Variants in PIK3R6 observed in about 807,000 individuals in gnomAD.
PIK3R6 encodes phosphoinositide 3-kinase regulatory subunit 6.
PIK3R6 carries 91 observed loss-of-function variants against 84.9 expected under a neutral mutation model. The observed-to-expected ratio is 1.07, with a 90% confidence interval of 0.90 to 1.28. PIK3R6 has a LOEUF of 1.28. Ranked by LOEUF, PIK3R6 falls within the 50% of genes most tolerant of loss-of-function variation. The pLI, the probability that PIK3R6 is intolerant of heterozygous loss-of-function variation, is 0.00. For missense variants in PIK3R6, 996 were observed against 985.1 expected (o/e 1.01, Z -0.15); for synonymous variants, 416 against 411.4 (o/e 1.01, Z -0.13).
rs76830309 is a variant in PIK3R6, at chr17:8,808,390, C to T, written c.1996-4237G>A. Among the ~76,000 whole-genome samples the T allele has an allele frequency of 2.4e-3, 364 of 151,966 alleles. 2 individuals carry two copies. The highest frequency in any genetic ancestry group is 8.5e-3 in the African/African-American group (351 of 41,520). On this transcript the variant is annotated intron_variant, in intron 18 of 19. Coordinates refer to ENST00000619866, the MANE Select transcript of PIK3R6 (RefSeq NM_001010855.4). ...CTTTAGCATCCATGGATTTTTGTAT[C>T]CTTGGGGGTCCCGGAAATAATCCCC... is the stretch of plus-strand genomic sequence containing the variant.
chr17:8,817,437 T>A (rs2151196034), intron 18 of PIK3R6, among the ~76,000 whole-genome samples: 1 of 151,568 alleles, frequency 6.6e-6, no homozygotes, highest in Middle Eastern at 3.4e-3. Flanking sequence ...AGGTCAGGAG[T>A]TCGAGACCAT....
At position 8,825,248 on chromosome 17, in the gene PIK3R6, G is replaced by A. The variant is rs534721748; in HGVS notation, c.1516-1751C>T. 5.3e-5 allele frequency among the ~76,000 whole-genome samples: 8 copies of A among 152,218 alleles called. No individual in the cohort carries two copies. In the South Asian group the frequency reaches 1.0e-3, roughly 20 times the overall value. Reference sequence around the variant, plus strand: ...TCCTAGAGAGAAAAACTCAATATGCGAAAGATGCTAATTCTCCCCAAATTT... The same window carrying A: ...TCCTAGAGAGAAAAACTCAATATGCAAAAGATGCTAATTCTCCCCAAATTT... On this transcript the variant is annotated intron_variant, in intron 13 of 19. Coordinates refer to ENST00000619866, the MANE Select transcript of PIK3R6 (RefSeq NM_001010855.4).
At position 8,866,305 on chromosome 17, in the gene PIK3R6, A is replaced by C. The variant is rs553523779; in HGVS notation, c.-92+1224T>G. On this transcript the variant is annotated intron_variant, in intron 1 of 19. Transcript: ENST00000619866. ...GTAATCCCAGCACTATGGGAGGCCGAGGTGGGTGGATCACGAGGTCAGGAG... is the reference window on the plus strand; with the variant it reads ...GTAATCCCAGCACTATGGGAGGCCGCGGTGGGTGGATCACGAGGTCAGGAG... Among the ~76,000 whole-genome samples, 28 of 152,248 alleles carry C rather than the reference A, an allele frequency of 1.8e-4. No homozygotes were observed. The East Asian group carries it at 5.4e-3, about 29-fold the overall frequency.
chr17:8,847,496 G>A (rs2088839792), intron 2 of PIK3R6, among the ~76,000 whole-genome samples: 1 of 152,158 alleles, frequency 6.6e-6, no homozygotes, highest in Admixed American at 6.5e-5. Context: ...GTGGGAAGGT[G>A]GAGAGTGTTA....
intron 1 of PIK3R6, among the ~76,000 whole-genome samples, chr17:8,855,575 C>T (rs2089115458): frequency 2.0e-5 from 3 of 152,290 alleles, no homozygotes; most frequent in South Asian, 2.1e-4. Context: ...CTGGAGAGCA[C>T]ACGGAGGAAC....
chr17:8,817,504 T>C (rs1195442965), intron 18 of PIK3R6, among the ~76,000 whole-genome samples: 6 of 152,054 alleles, frequency 3.9e-5, no homozygotes, highest in African/African-American at 1.4e-4. Flanking sequence ...TAGCTGGGCA[T>C]GGAGGCATGT....
intron 1 of PIK3R6, among the ~76,000 whole-genome samples, chr17:8,858,815 C>T (rs1242552719): frequency 6.6e-6 from 1 of 152,202 alleles, no homozygotes; most frequent in Non-Finnish European, 1.5e-5. Flanking sequence ...GGCTGCAGTC[C>T]AGCCCACCGC....
intron 9 of PIK3R6, 114 bp downstream of exon 9, chr17:8,832,775 C>G (rs1259182501): frequency 4.6e-6 from 7 of 1,505,808 alleles, no homozygotes; most frequent in Non-Finnish European, 6.3e-6. Context: ...TCCTGGGAGT[C>G]GGCCAGGCAC....
At chr17:8,823,839 G>C (rs907274671) in intron 13 of PIK3R6, among the ~76,000 whole-genome samples, 1 of 152,206 alleles carries the variant, frequency 6.6e-6, no homozygotes, top group African/African-American at 2.4e-5. Flanking sequence ...GCTCGGATGG[G>C]CTACTTGCCA....
In PIK3R6 at chr17:8,821,881, A is replaced by G; in HGVS notation, c.1844T>C (p.Leu615Pro). ...GCTGGCTGGAATGGCCTTCAGGATC[A>G]GCCCAGTGGCCCGCAGGGAAACGGT... ...EVTVSLRATG[L>P]ILKAIPASDT... Residue 615 changes from leucine (L) to proline (P), a missense_variant, in exon 17 of 20, where the codon CTG (leucine) becomes CCG (proline). Physicochemically the swap from Leu to Pro is moderately conservative, Grantham distance 98 (BLOSUM62 -3). Transcript: ENST00000619866. 6.3e-7 allele frequency: 1 copy of G among 1,598,198 alleles called. No individual in the cohort carries two copies.
At chr17:8,847,462 T>A (rs996073885) in intron 2 of PIK3R6, among the ~76,000 whole-genome samples, 2 of 152,064 alleles carry the variant, frequency 1.3e-5, no homozygotes, top group Admixed American at 6.6e-5. Context: ...TTCTTAACTG[T>A]AGGATGGGAG....
At position 8,844,475 on chromosome 17, in the gene PIK3R6, A is replaced by G. The variant is rs17808729; in HGVS notation, c.14-4778T>C. On this transcript the variant is annotated intron_variant, in intron 2 of 19. Transcript: ENST00000619866. This position sits in a 1 kb window ranked among gnomAD's most constrained non-coding sequence, Gnocchi z 4.5. The stretch of plus-strand genomic sequence containing the variant: ...ACTCAAGTGGCTCAGCATTGTTCAC[A>G]TATGGTATGCAGGTCTAACATCCTT... Among the ~76,000 whole-genome samples, 203 of 152,328 alleles carry G rather than the reference A, an allele frequency of 1.3e-3. 1 individual carries two copies. In the East Asian group the frequency reaches 0.028, roughly 21 times the overall value.
At chr17:8,819,737 T>C (rs1265571334) in intron 17 of PIK3R6, among the ~76,000 whole-genome samples, 2 of 146,996 alleles carry the variant, frequency 1.4e-5, no homozygotes, top group Non-Finnish European at 3.0e-5. Context: ...CACACATATA[T>C]AAGTATATAT....
Position 8,835,347 on chromosome 17 carries a change from G to A in PIK3R6, c.571C>T (p.His191Tyr). 1 of 1,611,004 alleles carries A rather than the reference G, an allele frequency of 6.2e-7. No individual in the cohort carries two copies. The highest frequency in any genetic ancestry group is 8.5e-7 in the Non-Finnish European group (1 of 1,178,026). The change falls in exon 8 of 20, where the codon CAC becomes TAC. Residue 191 changes from histidine (H) to tyrosine (Y), a missense_variant. Physicochemically the swap from His to Tyr is moderately conservative, Grantham distance 83. Coordinates refer to ENST00000619866, the MANE Select transcript of PIK3R6 (RefSeq NM_001010855.4). ...AQQTPETCMR[H>Y]VVSHALQAAL... ...GCCTGCAGGGCGTGGGAGACCACGT[G>A]GCGCATGCAGGTCTCTGGTGTCTGC... is the stretch of plus-strand genomic sequence containing the variant.
At chr17:8,816,480 G>A (rs533592250) in intron 18 of PIK3R6, among the ~76,000 whole-genome samples, 1 of 152,168 alleles carries the variant, frequency 6.6e-6, no homozygotes, top group South Asian at 2.1e-4. Context: ...ATCATTAAAG[G>A]AAAATGATTA....
Position 8,828,796 on chromosome 17 carries a change from C to T in PIK3R6, c.1084G>A (p.Glu362Lys). Reference sequence around the variant, plus strand: ...CCTTTGCGCTGCAGCCCGGCTCGCTCCATCTCAGGGCTGCCGGGTGCAGGC... The same window carrying T: ...CCTTTGCGCTGCAGCCCGGCTCGCTTCATCTCAGGGCTGCCGGGTGCAGGC... The part of the protein sequence containing the change: ...ELPAPGSPEM[E>K]RAGLQRKGGI... The change falls in exon 11 of 20, where the codon GAG becomes AAG. Residue 362 changes from glutamate to lysine, a missense_variant. Physicochemically the swap from Glu to Lys is moderately conservative, Grantham distance 56. Coordinates refer to ENST00000619866, the MANE Select transcript of PIK3R6 (RefSeq NM_001010855.4). 6.3e-7 allele frequency: 1 copy of T among 1,587,720 alleles called. No individual in the cohort carries two copies. Among genetic ancestry groups the T allele is most frequent in the Non-Finnish European group, 8.6e-7 (1 of 1,164,918 alleles).
intron 10 of PIK3R6, among the ~76,000 whole-genome samples, chr17:8,829,326 A>G (rs1190512141): frequency 1.3e-5 from 2 of 149,166 alleles, no homozygotes; most frequent in Non-Finnish European, 3.0e-5. Flanking sequence ...ATGCACGCAT[A>G]CACCCATGCA....
intron 1 of PIK3R6, among the ~76,000 whole-genome samples, chr17:8,852,831 G>C (rs895650065): frequency 6.6e-6 from 1 of 152,008 alleles, no homozygotes; most frequent in Non-Finnish European, 1.5e-5. Context: ...AAAATTTCCA[G>C]TCATACATAG....
At chr17:8,814,280 C>T (rs1271176358) in intron 18 of PIK3R6, among the ~76,000 whole-genome samples, 5 of 135,450 alleles carry the variant, frequency 3.7e-5, no homozygotes, top group Admixed American at 8.8e-5. Flanking sequence ...TGTGCAATGG[C>T]GTGATCTCGG....
Sources: allele counts gnomAD v4.1 joint callset (sites outside exome capture counted in the v4.1 genomes callset), GRCh38; gene constraint gnomAD v4.1.1; non-coding constraint Gnocchi (gnomAD v3.1); transcripts MANE v1.5; gene names NCBI Gene and HGNC (gene_info 2026-07-23, HGNC 2026-07-21).